The following FANCL variants were observed in gnomAD, a reference collection of about 807,000 sequenced individuals.
The protein encoded by FANCL is E3 ubiquitin-protein ligase FANCL.
Under a neutral mutation model 59.4 loss-of-function variants are expected in FANCL, and 69 were observed. That is an observed-to-expected ratio of 1.16 (90% confidence interval 0.96 to 1.42). The LOEUF is 1.42. Among genes scored for constraint, FANCL ranks in the 40% most tolerant of loss-of-function variants. FANCL has a pLI of 0.00. For missense variants in FANCL, 519 were observed against 447.2 expected, an observed-to-expected ratio of 1.16 and a Z score of -1.45; for synonymous variants, 180 against 147.1, an observed-to-expected ratio of 1.22 and a Z score of -1.62.
chr2:58,235,280 G>A (rs544655782), intron 1 of FANCL, among the ~76,000 whole-genome samples: 3 of 152,142 alleles, frequency 2.0e-5, no homozygotes, highest in African/African-American at 7.2e-5. Flanking sequence ...ACACCCAAAG[G>A]TGGGAACGTA....
chr2:58,205,250 G>A (rs559701888), intron 5 of FANCL, among the ~76,000 whole-genome samples: 1 of 152,116 alleles, frequency 6.6e-6, no homozygotes, highest in Non-Finnish European at 1.5e-5. Context: ...AATGCACAAT[G>A]AAGTTGTGAA....
intron 7 of FANCL, among the ~76,000 whole-genome samples, chr2:58,169,702 A>C (rs1686346901): frequency 6.6e-6 from 1 of 152,092 alleles, no homozygotes; most frequent in Non-Finnish European, 1.5e-5. Flanking sequence ...GTTATAGAAG[A>C]ACATAAATGA....
At chr2:58,240,068 A>G (rs908504066) in intron 1 of FANCL, among the ~76,000 whole-genome samples, 9 of 151,776 alleles carry the variant, frequency 5.9e-5, no homozygotes, top group African/African-American at 7.3e-5. Flanking sequence ...ATAGACATAC[A>G]TAACAGTATT....
intron 1 of FANCL, among the ~76,000 whole-genome samples, chr2:58,236,561 A>G (rs1694046231): frequency 1.3e-5 from 2 of 151,948 alleles, no homozygotes; most frequent in Admixed American, 1.3e-4. Context: ...ACAGAAAAAT[A>G]CCAAAACAAT....
intron 7 of FANCL, among the ~76,000 whole-genome samples, chr2:58,186,193 T>G (rs1452226778): frequency 6.6e-6 from 1 of 152,196 alleles, no homozygotes; most frequent in Non-Finnish European, 1.5e-5. Flanking sequence ...TTATACTGCT[T>G]AGGAGGTCAT....
intron 7 of FANCL, among the ~76,000 whole-genome samples, chr2:58,191,147 G>A (rs1195350222): frequency 6.6e-6 from 1 of 151,300 alleles, no homozygotes; most frequent in African/African-American, 2.4e-5. Context: ...AATTCAAATA[G>A]ACATATAGAC....
At chr2:58,241,134 A>C in intron 1 of FANCL, 84 bp downstream of exon 1, 1 of 1,448,620 alleles carries the variant, frequency 6.9e-7, no homozygotes. Flanking sequence ...CTGGGCCCCT[A>C]ACCTCCTAGC....
intron 7 of FANCL, among the ~76,000 whole-genome samples, chr2:58,187,261 T>C (rs561211331): frequency 1.3e-5 from 2 of 152,278 alleles, no homozygotes; most frequent in South Asian, 2.1e-4. Context: ...ACATGTCCTT[T>C]GTTGGGACAC....
chr2:58,238,949 G>A (rs917618392), intron 1 of FANCL, among the ~76,000 whole-genome samples: 37 of 152,162 alleles, frequency 2.4e-4, no homozygotes, highest in African/African-American at 7.7e-4. Flanking sequence ...GGGACAATTC[G>A]AGGATCAAAA....
chr2:58,164,450 C>T (rs1468918723), intron 8 of FANCL, among the ~76,000 whole-genome samples: 2 of 151,936 alleles, frequency 1.3e-5, no homozygotes, highest in African/African-American at 4.8e-5. Flanking sequence ...TTACTATGAA[C>T]AGAAATTTCT....
chr2:58,232,776 T>C (rs896173755), intron 1 of FANCL, among the ~76,000 whole-genome samples: 2 of 152,170 alleles, frequency 1.3e-5, no homozygotes, highest in Admixed American at 6.5e-5. Context: ...CATTTTACTT[T>C]CTTGGAAAAG....
At chr2:58,183,219 T>C (rs1688093999) in intron 7 of FANCL, among the ~76,000 whole-genome samples, 1 of 151,620 alleles carries the variant, frequency 6.6e-6, no homozygotes, top group African/African-American at 2.4e-5. Flanking sequence ...AAAAAATGAA[T>C]AAAGACATAA....
At chr2:58,175,318 A>G (rs1407538254) in intron 7 of FANCL, among the ~76,000 whole-genome samples, 1 of 149,080 alleles carries the variant, frequency 6.7e-6, no homozygotes, top group African/African-American at 2.5e-5. Context: ...AAAGCCGGGC[A>G]GAGACACAAC....
At chr2:58,172,913 T>G (rs1202075621) in intron 7 of FANCL, among the ~76,000 whole-genome samples, 3 of 152,128 alleles carry the variant, frequency 2.0e-5, no homozygotes, top group Non-Finnish European at 4.4e-5. Context: ...AATGCATAAC[T>G]AGAATAACCA....
At chr2:58,176,859 G>A (rs951187429) in intron 7 of FANCL, among the ~76,000 whole-genome samples, 2 of 152,036 alleles carry the variant, frequency 1.3e-5, no homozygotes, top group African/African-American at 4.8e-5. Flanking sequence ...CAAAATGGGA[G>A]AACATTTTCG....
intron 7 of FANCL, among the ~76,000 whole-genome samples, chr2:58,193,130 T>G (rs953042568): frequency 1.3e-5 from 2 of 152,018 alleles, no homozygotes; most frequent in Non-Finnish European, 2.9e-5. Context: ...TTTTTCTAGA[T>G]TTTGGCCATA....
At chr2:58,171,183 C>G (rs1686566699) in intron 7 of FANCL, among the ~76,000 whole-genome samples, 1 of 152,202 alleles carries the variant, frequency 6.6e-6, no homozygotes, top group Non-Finnish European at 1.5e-5. Flanking sequence ...TCTCAAACCA[C>G]AGTGCAATCA....
At chr2:58,159,994 G>GAGAA in intron 13 of FANCL, 114 bp downstream of exon 13, 3 of 1,551,432 alleles carry the variant, frequency 1.9e-6, no homozygotes, top group Non-Finnish European at 1.7e-6. Flanking sequence ...TAGAAATACA[G>GAGAA]AGAATGAGTT....
At chr2:58,190,307 C>T (rs756055451) in intron 7 of FANCL, among the ~76,000 whole-genome samples, 3 of 151,838 alleles carry the variant, frequency 2.0e-5, no homozygotes, top group Non-Finnish European at 4.4e-5. Flanking sequence ...GCCCACAGGA[C>T]CAAATGAAAC....
Sources: gnomAD v4.1 joint callset for allele counts (sites outside exome capture counted in the v4.1 genomes callset) on GRCh38, gnomAD v4.1.1 for gene constraint, MANE v1.5 for transcripts, NCBI Gene and HGNC (gene_info 2026-07-23, HGNC 2026-07-21) for gene names.